Variants in PRKG1 observed in about 807,000 individuals in gnomAD.
PRKG1 encodes the protein cGMP-dependent protein kinase 1.
A neutral mutation model predicts 88.1 loss-of-function variants in PRKG1; 35 were observed. The ratio of observed to expected loss-of-function variants is 0.40; its 90% CI spans 0.30 to 0.53. PRKG1 has a LOEUF of 0.53. Among genes scored for constraint, PRKG1 ranks in the 20% least tolerant of loss-of-function variants. The probability of loss-of-function intolerance (pLI) is 0.59; values close to 1 mark genes in which losing one functional copy is unlikely to be tolerated. For synonymous variants in PRKG1, 303 were observed against 292.5 expected (o/e 1.04, Z -0.37); for missense variants, 540 against 839.8 (o/e 0.64, Z 4.41).
chr10:51,548,812 C>G (rs1372075132), intron 3 of PRKG1, among the ~76,000 whole-genome samples: 6 of 151,998 alleles, frequency 3.9e-5, no homozygotes, highest in Admixed American at 3.9e-4. Context: ...GAGGCTCAGT[C>G]CTTTGATTCA....
chr10:51,705,226 T>A (rs916372192), intron 3 of PRKG1, among the ~76,000 whole-genome samples: 6 of 152,188 alleles, frequency 3.9e-5, no homozygotes, highest in African/African-American at 9.6e-5. Context: ...CCTCAAAGAC[T>A]TCCATTTAGA....
Position 51,713,584 on chromosome 10 carries a change from T to C in PRKG1, c.593-91001T>C, listed in dbSNP as rs143363719. On this transcript the variant is annotated intron_variant, in intron 3 of 17. Coordinates refer to ENST00000373980, the MANE Select transcript of PRKG1 (RefSeq NM_006258.4). Reference sequence around the variant, plus strand: ...TACACTGTCATTCAAAAGAAAGAAATATATGTGGAATAAGATATATATGAT... The same window carrying C: ...TACACTGTCATTCAAAAGAAAGAAACATATGTGGAATAAGATATATATGAT... 4.4e-3 allele frequency among the ~76,000 whole-genome samples: 674 copies of C among 152,282 alleles called. 2 individuals are homozygous for C. The highest frequency in any genetic ancestry group is 0.016 in the African/African-American group (652 of 41,562).
chr10:51,322,281 C>T lies in PRKG1; in HGVS notation c.479-145442C>T, dbSNP rs557333247. 1.1e-3 allele frequency among the ~76,000 whole-genome samples: 174 copies of T among 152,316 alleles called. 1 individual carries two copies. Among genetic ancestry groups the T allele is most frequent in the African/African-American group, 3.9e-3 (162 of 41,576 alleles). ...TTTAAAAAAATATAAAAAAGTGCAT[C>T]TCTCATCCTGAGAGTCAACTTGAGC... On this transcript the variant is annotated intron_variant, in intron 2 of 17. Transcript: ENST00000373980.
chr10:51,559,306 G>T (rs752431781), intron 3 of PRKG1, among the ~76,000 whole-genome samples: 8 of 152,060 alleles, frequency 5.3e-5, no homozygotes, highest in Non-Finnish European at 8.8e-5. Context: ...AGAAAAACAA[G>T]CAGGCTCCAT....
intron 3 of PRKG1, among the ~76,000 whole-genome samples, chr10:51,575,316 C>A (rs921333726): frequency 2.6e-5 from 4 of 151,902 alleles, no homozygotes; most frequent in African/African-American, 7.2e-5. Context: ...AATATACTAG[C>A]GTAAGATTCC....
intron 3 of PRKG1, among the ~76,000 whole-genome samples, chr10:51,668,740 TGA>T (rs1482438814): frequency 6.6e-6 from 1 of 152,168 alleles, no homozygotes; most frequent in Non-Finnish European, 1.5e-5. Context: ...AAAAAATATA[TGA>T]GTTTTAGAGT....
chr10:51,956,420 A>G (rs4935294), intron 5 of PRKG1, among the ~76,000 whole-genome samples: 66,805 of 151,594 alleles, frequency 0.44, 16,073 homozygotes, highest in East Asian at 0.65. Context: ...ATTTTTGAAT[A>G]GTAACAATAA....
At chr10:51,316,960 G>C (rs1158262773) in intron 2 of PRKG1, among the ~76,000 whole-genome samples, 1 of 152,102 alleles carries the variant, frequency 6.6e-6, no homozygotes, top group Non-Finnish European at 1.5e-5. Context: ...GACTTTTTAT[G>C]ATAGCCAAGA....
At chr10:51,287,533 G>C (rs1008979031) in intron 2 of PRKG1, among the ~76,000 whole-genome samples, 1 of 152,156 alleles carries the variant, frequency 6.6e-6, no homozygotes, top group African/African-American at 2.4e-5. Flanking sequence ...TTCTAGTAGA[G>C]TGAAGAGAGG....
chr10:51,184,506 T>C (rs1052778461), intron 2 of PRKG1, among the ~76,000 whole-genome samples: 1 of 152,198 alleles, frequency 6.6e-6, no homozygotes, highest in Non-Finnish European at 1.5e-5. Context: ...GCAGTAGCCA[T>C]GGTAATTTAG....
intron 4 of PRKG1, among the ~76,000 whole-genome samples, chr10:51,810,437 C>G (rs1361738011): frequency 6.6e-6 from 1 of 152,074 alleles, no homozygotes. Context: ...TACAAAGGAT[C>G]AAGATGATGG....
At chr10:51,446,460 A>G (rs1018506089) in intron 2 of PRKG1, among the ~76,000 whole-genome samples, 1 of 151,984 alleles carries the variant, frequency 6.6e-6, no homozygotes, top group Non-Finnish European at 1.5e-5. Context: ...GTTTTACTGT[A>G]ATTCATCCCA....
intron 3 of PRKG1, among the ~76,000 whole-genome samples, chr10:51,592,533 C>T (rs1838337168): frequency 6.6e-6 from 1 of 152,164 alleles, no homozygotes; most frequent in Non-Finnish European, 1.5e-5. Flanking sequence ...CCATCTCCTG[C>T]CTGCCGTGAT....
chr10:51,305,377 C>G (rs1341771754), intron 2 of PRKG1, among the ~76,000 whole-genome samples: 1 of 152,156 alleles, frequency 6.6e-6, no homozygotes, highest in Non-Finnish European at 1.5e-5. Flanking sequence ...GACTTACTAA[C>G]TTTCCTTTTT....
At chr10:52,247,282 C>T (rs1028204013) in intron 9 of PRKG1, among the ~76,000 whole-genome samples, 1 of 152,108 alleles carries the variant, frequency 6.6e-6, no homozygotes, top group Non-Finnish European at 1.5e-5. Context: ...CCAGAAACTG[C>T]ATTTCTTACT....
intron 3 of PRKG1, among the ~76,000 whole-genome samples, chr10:51,525,992 G>A (rs1841874756): frequency 6.6e-6 from 1 of 152,002 alleles, no homozygotes; most frequent in Non-Finnish European, 1.5e-5. Context: ...GCTAATTTTT[G>A]TATTTTTAGT....
chr10:52,202,606 G>A (rs1014659807), intron 9 of PRKG1, among the ~76,000 whole-genome samples: 19 of 151,858 alleles, frequency 1.3e-4, no homozygotes, highest in Admixed American at 4.6e-4. Flanking sequence ...CACAGGAATG[G>A]TACCACTTCT....
Position 51,465,643 on chromosome 10 carries a change from A to G in PRKG1, c.479-2080A>G, listed in dbSNP as rs556937879. On this transcript the variant is annotated intron_variant, in intron 2 of 17. Coordinates refer to ENST00000373980, the MANE Select transcript of PRKG1 (RefSeq NM_006258.4). ...GATTGGTATGATTTTCTGAGCTTCT[A>G]TTTTCTTCTTTGGATGTGATCTAAA... Among the ~76,000 whole-genome samples the G allele has an allele frequency of 3.9e-5, 6 of 152,216 alleles. No homozygotes were observed. The South Asian group carries it at 6.2e-4, about 16-fold the overall frequency.
chr10:51,051,614 T>C (rs1843562162), intron 1 of PRKG1, among the ~76,000 whole-genome samples: 1 of 152,190 alleles, frequency 6.6e-6, no homozygotes, highest in Non-Finnish European at 1.5e-5. Context: ...TTAACACATA[T>C]GTACATTCAG....
Sources: allele counts gnomAD v4.1 joint callset (sites outside exome capture counted in the v4.1 genomes callset), GRCh38; gene constraint gnomAD v4.1.1; transcripts MANE v1.5; gene names NCBI Gene and HGNC (gene_info 2026-07-23, HGNC 2026-07-21).